The following TIMP2 variants were observed in gnomAD, a reference collection of about 807,000 sequenced individuals.
TIMP2 encodes metalloproteinase inhibitor 2.
TIMP2 carries 5 observed loss-of-function variants against 24.3 expected under a neutral mutation model. That is an observed-to-expected ratio of 0.21 (90% CI 0.11 to 0.43). The LOEUF (loss-of-function observed/expected upper bound fraction) is 0.43, where lower values mean the gene tolerates loss of function less well. Among genes scored for constraint, TIMP2 ranks in the 20% least tolerant of loss-of-function variants. TIMP2 has a pLI of 1.00. For missense variants in TIMP2, 221 were observed against 297.5 expected, an observed-to-expected ratio of 0.74 and a Z score of 1.89; for synonymous variants, 130 against 123.2, an observed-to-expected ratio of 1.06 and a Z score of -0.37.
chr17:78,884,103 C>T (rs1051429753), intron 1 of TIMP2, among the ~76,000 whole-genome samples: 3 of 152,222 alleles, frequency 2.0e-5, no homozygotes, highest in African/African-American at 4.8e-5. Flanking sequence ...AAGCCAGAGC[C>T]GGAGCAGGGA....
intron 2 of TIMP2, among the ~76,000 whole-genome samples, chr17:78,872,548 A>G (rs2069695016): frequency 6.6e-6 from 1 of 152,200 alleles, no homozygotes; most frequent in Non-Finnish European, 1.5e-5. Flanking sequence ...GCCTGATGTC[A>G]TGACAAATGG....
At chr17:78,858,341 G>A (rs2069541688) in intron 3 of TIMP2, among the ~76,000 whole-genome samples, 3 of 151,890 alleles carry the variant, frequency 2.0e-5, no homozygotes. Context: ...TACTCAGGAG[G>A]CTGAGGTAGG....
At chr17:78,916,795 G>A (rs1233933853) in intron 1 of TIMP2, among the ~76,000 whole-genome samples, 2 of 152,130 alleles carry the variant, frequency 1.3e-5, no homozygotes. Context: ...CTCAAGCCTG[G>A]CCATACTTTG....
intron 1 of TIMP2, among the ~76,000 whole-genome samples, chr17:78,922,744 A>C (rs2070317197): frequency 6.6e-6 from 1 of 152,178 alleles, no homozygotes. Context: ...GCTCGAACCC[A>C]GGAGGCGGAG....
chr17:78,855,838 G>A lies in TIMP2; in HGVS notation c.492C>T (p.Cys164=). 3 of 1,614,110 alleles carry A rather than the reference G, an allele frequency of 1.9e-6. No homozygotes were observed. The highest frequency in any genetic ancestry group is 2.5e-6 in the Non-Finnish European group (3 of 1,180,004). ...GGCACTCGTCCGGGGAGGAGATGTA[G>A]CACGGGATCATGGGGCAGCGCGTGA... ...CKITRCPMIP[C]YISSPDECLW... The change falls in exon 5 of 5, where the codon TGC becomes TGT. Residue 164 remains cysteine, a synonymous_variant. Transcript: ENST00000262768. The surrounding 1 kb of genome is among the most constrained non-coding windows in gnomAD (Gnocchi z 6.0).
intron 1 of TIMP2, chr17:78,898,938 A>G (rs1202261066): frequency 3.3e-5 from 5 of 152,216 alleles, no homozygotes; most frequent in African/African-American, 1.2e-4. Context: ...GGGTTTCACC[A>G]TGCCGGCCAG....
At chr17:78,859,915 C>G (rs1165052870) in intron 3 of TIMP2, among the ~76,000 whole-genome samples, 3 of 152,142 alleles carry the variant, frequency 2.0e-5, no homozygotes, top group Non-Finnish European at 2.9e-5. Context: ...TCGCTTGAAC[C>G]CAGTGGGCAG....
chr17:78,901,744 A>G (rs1458137512), intron 1 of TIMP2: 1 of 717,380 alleles, frequency 1.4e-6, no homozygotes, highest in Admixed American at 2.0e-5. Flanking sequence ...TGTCACCACG[A>G]GAAGCACCTG....
At chr17:78,892,891 A>G (rs2069923782) in intron 1 of TIMP2, among the ~76,000 whole-genome samples, 1 of 152,156 alleles carries the variant, frequency 6.6e-6, no homozygotes, top group South Asian at 2.1e-4. Context: ...CCCAAAGGGC[A>G]AGGGTTAGGA....
intron 1 of TIMP2, among the ~76,000 whole-genome samples, chr17:78,911,894 CAAAAAAAAA>C (rs60505603): frequency 8.9e-6 from 1 of 112,098 alleles, no homozygotes; most frequent in African/African-American, 3.3e-5. Context: ...AAAAACACAC[CAAAAAAAAA>C]AAAAAAAAAA....
At chr17:78,860,584 C>T (rs1290282002) in intron 3 of TIMP2, among the ~76,000 whole-genome samples, 1 of 152,242 alleles carries the variant, frequency 6.6e-6, no homozygotes, top group Non-Finnish European at 1.5e-5. Context: ...TATGCTCGCA[C>T]TTCCTGTTCT....
intron 1 of TIMP2, among the ~76,000 whole-genome samples, chr17:78,889,143 G>A (rs796200277): frequency 1.3e-5 from 2 of 152,204 alleles, no homozygotes; most frequent in Admixed American, 6.5e-5. Flanking sequence ...TAATTACCAC[G>A]GGGGCTGCAC....
At position 78,855,925 on chromosome 17, in the gene TIMP2, T is replaced by C; in HGVS notation, c.466-61A>G. ...GACCCAGGAAGGGGTGGGCAGAGGC[T>C]GCTCTGGGGGCATGTCCAGAACCCG... On this transcript the variant is annotated intron_variant, in intron 4 of 4. Transcript: ENST00000262768. The surrounding 1 kb of genome is among the most constrained non-coding windows in gnomAD (Gnocchi z 6.0). 1 of 1,557,290 alleles carries C rather than the reference T, an allele frequency of 6.4e-7. No individual in the cohort carries two copies. Among genetic ancestry groups the C allele is most frequent in the Non-Finnish European group, 8.8e-7 (1 of 1,131,126 alleles).
intron 1 of TIMP2, among the ~76,000 whole-genome samples, chr17:78,923,526 G>C: frequency 6.6e-6 from 1 of 152,242 alleles, no homozygotes; most frequent in East Asian, 1.9e-4. Flanking sequence ...GGTGAGCCAA[G>C]GAGCCTGGAC....
chr17:78,855,993 C>T lies in TIMP2; in HGVS notation c.466-129G>A, dbSNP rs901869217. 6.4e-6 allele frequency: 6 copies of T among 931,180 alleles called. No homozygotes were observed. Among genetic ancestry groups the T allele is most frequent in the Admixed American group, 2.1e-5 (1 of 48,630 alleles). 57.7% of individuals were successfully genotyped at this position (931,180 alleles called of 1,614,324 possible). A position where few individuals can be genotyped will look rare whatever the true frequency, so the allele number is the denominator to read the frequency against. ...CATGTGCAGGGATGGCAGCCTCTCC[C>T]GAGACCCACGGTTCCTGCAGGGGCA... On this transcript the variant is annotated intron_variant, in intron 4 of 4. Coordinates refer to ENST00000262768, the MANE Select transcript of TIMP2 (RefSeq NM_003255.5). The surrounding 1 kb of genome is among the most constrained non-coding windows in gnomAD (Gnocchi z 6.0).
rs1410462302 is a variant in TIMP2, at chr17:78,853,561, T to A, written c.*2106A>T. ...TCCTTTACTTTGCAATAATTTGAAC[T>A]GGAGAACCAAAGACGGGAGACGAAT... is the stretch of plus-strand genomic sequence containing the variant. On this transcript the variant is annotated 3_prime_UTR_variant, in exon 5 of 5. Coordinates refer to ENST00000262768, the MANE Select transcript of TIMP2 (RefSeq NM_003255.5). The A allele has an allele frequency of 6.6e-6, 1 of 152,400 alleles. No homozygotes were observed. Among genetic ancestry groups the A allele is most frequent in the Non-Finnish European group, 1.5e-5 (1 of 68,040 alleles). The allele number at this position is 152,400 out of a possible 1,614,324, so 9.4% of individuals were successfully genotyped here.
At chr17:78,895,481 T>C (rs1232102424) in intron 1 of TIMP2, among the ~76,000 whole-genome samples, 3 of 152,000 alleles carry the variant, frequency 2.0e-5, no homozygotes, top group Middle Eastern at 3.2e-3. Flanking sequence ...CAATAGCAAC[T>C]GTCAGTGAGG....
intron 1 of TIMP2, among the ~76,000 whole-genome samples, chr17:78,923,363 C>A (rs1179479873): frequency 7.5e-6 from 1 of 133,326 alleles, no homozygotes; most frequent in Non-Finnish European, 1.6e-5. Flanking sequence ...GACATTCTCC[C>A]ACACAGCTGA....
Position 78,870,911 on chromosome 17 carries a change from T to C in TIMP2, c.327A>G (p.Glu109=), listed in dbSNP as rs777807530. ...ACTCATACACACCTGCAATGAGATA[T>C]TCCTTCTTTCCTCCAACGTCCAGCG... ...GVSLDVGGKK[E]YLIAGKAEGD... The change falls in exon 3 of 5, where the codon GAA becomes GAG. Residue 109 remains glutamate, a synonymous_variant. Coordinates refer to ENST00000262768, the MANE Select transcript of TIMP2 (RefSeq NM_003255.5). The C allele has an allele frequency of 6.2e-7, 1 of 1,613,794 alleles. No homozygotes were observed. Among genetic ancestry groups the C allele is most frequent in the East Asian group, 2.2e-5 (1 of 44,854 alleles).
Sources: gnomAD v4.1 joint callset for allele counts (sites outside exome capture counted in the v4.1 genomes callset) on GRCh38, gnomAD v4.1.1 for gene constraint, Gnocchi (gnomAD v3.1) non-coding constraint, MANE v1.5 for transcripts, NCBI Gene and HGNC (gene_info 2026-07-23, HGNC 2026-07-21) for gene names.